The following KCNIP4 variants were observed in gnomAD, a reference collection of about 807,000 sequenced individuals.
The protein encoded by KCNIP4 is potassium voltage-gated channel interacting protein 4.
A neutral mutation model predicts 34.0 loss-of-function variants in KCNIP4; 12 were observed. The observed-to-expected ratio is 0.35, with a 90% CI of 0.23 to 0.57. The LOEUF (loss-of-function observed/expected upper bound fraction) is 0.57, where lower values mean the gene tolerates loss of function less well. Among genes scored for constraint, KCNIP4 ranks in the 20% least tolerant of loss-of-function variants. The pLI is 0.83. For missense variants in KCNIP4, 238 were observed against 311.7 expected (o/e 0.76, Z 1.78); for synonymous variants, 124 against 102.2 (o/e 1.21, Z -1.29).
intron 3 of KCNIP4, among the ~76,000 whole-genome samples, chr4:20,821,375 G>T (rs2149445348): frequency 6.6e-6 from 1 of 152,278 alleles, no homozygotes; most frequent in South Asian, 2.1e-4. Flanking sequence ...TAACTTGCTG[G>T]ATGTCACAGA....
At chr4:21,231,149 T>C (rs1758761472) in intron 1 of KCNIP4, among the ~76,000 whole-genome samples, 1 of 152,140 alleles carries the variant, frequency 6.6e-6, no homozygotes, top group Non-Finnish European at 1.5e-5. Flanking sequence ...GTCTTCTCCT[T>C]TATTGTCCTA....
chr4:21,027,634 T>C (rs920140478), intron 1 of KCNIP4, among the ~76,000 whole-genome samples: 1 of 150,740 alleles, frequency 6.6e-6, no homozygotes, highest in Non-Finnish European at 1.5e-5. Flanking sequence ...CTTGTCTTTG[T>C]CACCAAATCA....
chr4:20,950,669 GTA>G (rs549469948), intron 1 of KCNIP4, among the ~76,000 whole-genome samples: 377 of 152,048 alleles, frequency 2.5e-3, no homozygotes, highest in African/African-American at 8.6e-3. Context: ...TTTGCAAGCA[GTA>G]GAGAGGCATG....
intron 1 of KCNIP4, among the ~76,000 whole-genome samples, chr4:21,652,560 T>C (rs192164944): frequency 6.6e-4 from 100 of 152,270 alleles, no homozygotes; most frequent in Non-Finnish European, 1.9e-4. Context: ...CTGGAAAGGC[T>C]ACTCCTGTGC....
intron 1 of KCNIP4, among the ~76,000 whole-genome samples, chr4:21,506,885 G>T (rs1481069318): frequency 6.6e-6 from 1 of 151,740 alleles, no homozygotes; most frequent in African/African-American, 2.4e-5. Flanking sequence ...TCAAACTCCT[G>T]GGCCAAAGCA....
At chr4:21,876,101 GA>G (rs1409976292) in intron 1 of KCNIP4, among the ~76,000 whole-genome samples, 1 of 151,978 alleles carries the variant, frequency 6.6e-6, no homozygotes, top group Non-Finnish European at 1.5e-5. Context: ...GGTCCATAAA[GA>G]AAATTAATCA....
chr4:21,786,617 G>A (rs1246666123), intron 1 of KCNIP4, among the ~76,000 whole-genome samples: 1 of 150,128 alleles, frequency 6.7e-6, no homozygotes, highest in Non-Finnish European at 1.5e-5. Context: ...TTCCAGGCTG[G>A]AGTGCAGTGG....
At chr4:21,830,458 T>C (rs1394100225) in intron 1 of KCNIP4, among the ~76,000 whole-genome samples, 1 of 152,014 alleles carries the variant, frequency 6.6e-6, no homozygotes, top group African/African-American at 2.4e-5. Flanking sequence ...GCTGGATCAC[T>C]TGAGGTCAGG....
rs1211899985 is a variant in KCNIP4, at chr4:21,452,711, T to G, written c.61+495860A>C. ...TTATACTATTATTTGTCCTGCATGT[T>G]AAAGTGTTTCTTCAAAGAAGTCAGA... is the stretch of plus-strand genomic sequence containing the variant. On this transcript the variant is annotated intron_variant, in intron 1 of 8. Transcript: ENST00000382152. 2.6e-5 allele frequency among the ~76,000 whole-genome samples: 4 copies of G among 151,532 alleles called. No individual in the cohort carries two copies. In the East Asian group the frequency reaches 7.8e-4, roughly 30 times the overall value.
intron 1 of KCNIP4, among the ~76,000 whole-genome samples, chr4:21,432,509 G>A (rs28588240): frequency 0.01 from 1,562 of 152,132 alleles, 26 homozygotes; most frequent in African/African-American, 0.035. Flanking sequence ...TAATGAGTGC[G>A]TCTATTTACA....
intron 1 of KCNIP4, among the ~76,000 whole-genome samples, chr4:21,111,659 C>T (rs6814358): frequency 0.29 from 44,276 of 152,126 alleles, 7,107 homozygotes; most frequent in African/African-American, 0.44. Context: ...TTTATTACAG[C>T]CCATCATGGG....
intron 1 of KCNIP4, among the ~76,000 whole-genome samples, chr4:21,151,405 A>G (rs560299444): frequency 1.1e-5 from 1 of 93,512 alleles, no homozygotes; most frequent in Non-Finnish European, 2.1e-5. Flanking sequence ...AACAAAAGAC[A>G]ATTTTTTTTT....
chr4:21,768,961 G>C (rs1313085896), intron 1 of KCNIP4, among the ~76,000 whole-genome samples: 1 of 151,356 alleles, frequency 6.6e-6, no homozygotes, highest in South Asian at 2.1e-4. Flanking sequence ...TTTGTTATTT[G>C]TTTGATGTAG....
intron 1 of KCNIP4, among the ~76,000 whole-genome samples, chr4:21,916,279 T>C (rs1328015454): frequency 6.6e-6 from 1 of 152,228 alleles, no homozygotes; most frequent in Admixed American, 6.5e-5. Flanking sequence ...CTATATTTCT[T>C]ATCTAGTTAT....
chr4:21,016,290 TTTTTTTC>T (rs1390694616), intron 1 of KCNIP4, among the ~76,000 whole-genome samples: 5 of 149,286 alleles, frequency 3.3e-5, no homozygotes, highest in Admixed American at 6.7e-5. Context: ...ATTTCTTTTC[TTTTTTTC>T]TTTTTTCTTT....
chr4:21,226,126 G>A (rs945974508), intron 1 of KCNIP4, among the ~76,000 whole-genome samples: 1 of 151,218 alleles, frequency 6.6e-6, no homozygotes, highest in African/African-American at 2.4e-5. Context: ...ATGGTTGCAT[G>A]AGATTTGCAA....
At chr4:21,294,367 C>T (rs559408086) in intron 1 of KCNIP4, among the ~76,000 whole-genome samples, 1 of 152,290 alleles carries the variant, frequency 6.6e-6, no homozygotes, top group African/African-American at 2.4e-5. Flanking sequence ...GGTTCCCAGC[C>T]TCACTACAAC....
intron 1 of KCNIP4, among the ~76,000 whole-genome samples, chr4:21,684,110 A>G: frequency 6.6e-6 from 1 of 152,062 alleles, no homozygotes; most frequent in Non-Finnish European, 1.5e-5. Context: ...GTACCTCCAA[A>G]CCTAAAATAA....
rs1156726807 is a variant in KCNIP4, at chr4:21,282,115, C to T, written c.62-399406G>A. 2.6e-5 allele frequency among the ~76,000 whole-genome samples: 4 copies of T among 152,204 alleles called. No homozygotes were observed. The East Asian group carries it at 7.7e-4, about 29-fold the overall frequency. On this transcript the variant is annotated intron_variant, in intron 1 of 8. Coordinates refer to ENST00000382152, the MANE Select transcript of KCNIP4 (RefSeq NM_025221.6). ...ATCAGGTAAGTTCTCATAAGTGAGA[C>T]ATTCTCAGTTTAGGTAAAGCTTAGA...
Sources: allele counts gnomAD v4.1 joint callset (sites outside exome capture counted in the v4.1 genomes callset), GRCh38; gene constraint gnomAD v4.1.1; transcripts MANE v1.5; gene names NCBI Gene and HGNC (gene_info 2026-07-23, HGNC 2026-07-21).